CDH7: variants seen among roughly 807,000 people sequenced by gnomAD.
CDH7 encodes the protein cadherin 7, also known as cadherin-7.
CDH7 carries 25 observed loss-of-function variants against 71.8 expected under a neutral mutation model. The observed-to-expected ratio is 0.35, with a 90% CI of 0.25 to 0.49. The LOEUF (loss-of-function observed/expected upper bound fraction) is 0.49, where lower values mean the gene tolerates loss of function less well. CDH7 is among the 20% of genes least tolerant of loss of function. CDH7 has a pLI of 0.99. For synonymous variants in CDH7, 381 were observed against 363.8 expected, an observed-to-expected ratio of 1.05 and a Z score of -0.54; for missense variants, 862 against 974.6, an observed-to-expected ratio of 0.88 and a Z score of 1.54.
intron 2 of CDH7, among the ~76,000 whole-genome samples, chr18:65,795,847 A>G (rs1910892701): frequency 6.6e-6 from 1 of 151,970 alleles, no homozygotes; most frequent in African/African-American, 2.4e-5. Flanking sequence ...TGAATCATGG[A>G]GGCAGTTCCC....
chr18:65,844,530 C>T (rs1247402148), intron 7 of CDH7, among the ~76,000 whole-genome samples: 1 of 151,514 alleles, frequency 6.6e-6, no homozygotes, highest in Non-Finnish European at 1.5e-5. Flanking sequence ...TTAATATTTC[C>T]ACTTAATTTT....
At chr18:65,794,944 C>T (rs1164533928) in intron 2 of CDH7, among the ~76,000 whole-genome samples, 1 of 152,020 alleles carries the variant, frequency 6.6e-6, no homozygotes, top group Non-Finnish European at 1.5e-5. Context: ...GTGTCTGACA[C>T]GTAATTATGC....
chr18:65,809,730 T>C lies in CDH7; in HGVS notation c.237T>C (p.Asp79=), dbSNP rs957426531. 1 of 1,613,986 alleles carries C rather than the reference T, an allele frequency of 6.2e-7. No homozygotes were observed. The highest frequency in any genetic ancestry group is 8.5e-7 in the Non-Finnish European group (1 of 1,179,924). Residue 79 remains aspartate, a synonymous_variant, in exon 3 of 12, where the codon GAT becomes GAC. Transcript: ENST00000397968. ...TTCACTCTGATGTTGATAAAGGAGA[T>C]GGTTCCATCAAATACATCTTGTCAG... ...GKLHSDVDKG[D]GSIKYILSGE... is the part of the protein sequence containing the mutation.
At position 65,800,237 on chromosome 18, in the gene CDH7, G is replaced by A. The variant is rs1260754717; in HGVS notation, c.211-9467G>A. Among the ~76,000 whole-genome samples the A allele has an allele frequency of 2.0e-5, 3 of 152,100 alleles. No individual in the cohort carries two copies. The East Asian group carries it at 5.8e-4, about 30-fold the overall frequency. ...TGGGACTACAGGTGCGTGCCACCTT[G>A]CCTGGCTTATTTTTTGTATTTTTAA... On this transcript the variant is annotated intron_variant, in intron 2 of 11. Transcript: ENST00000397968.
intron 7 of CDH7, among the ~76,000 whole-genome samples, chr18:65,856,088 C>T (rs995981617): frequency 6.6e-6 from 1 of 152,050 alleles, no homozygotes; most frequent in Non-Finnish European, 1.5e-5. Flanking sequence ...CACCAACTCA[C>T]CATCCATGCC....
chr18:65,778,133 G>A (rs975894594), intron 2 of CDH7, among the ~76,000 whole-genome samples: 6 of 151,994 alleles, frequency 3.9e-5, no homozygotes, highest in Non-Finnish European at 7.4e-5. Flanking sequence ...TTAGCTGGGC[G>A]TGGTGACACG....
chr18:65,825,223 A>G (rs972789835), intron 6 of CDH7, among the ~76,000 whole-genome samples: 1 of 151,942 alleles, frequency 6.6e-6, no homozygotes, highest in Admixed American at 6.6e-5. Context: ...CCATAAATGA[A>G]AATAATATGA....
In CDH7 at chr18:65,809,372, T is replaced by C. The variant is rs537036171; in HGVS notation, c.211-332T>C. ...AAATCAACCCATTATACATGTTTAC[T>C]GAATGCCTGCTCTGTTCAAAGAAGA... On this transcript the variant is annotated intron_variant, in intron 2 of 11. Coordinates refer to ENST00000397968, the MANE Select transcript of CDH7 (RefSeq NM_004361.5). 7.9e-5 allele frequency among the ~76,000 whole-genome samples: 12 copies of C among 152,380 alleles called. No individual in the cohort carries two copies. In the South Asian group the frequency reaches 1.9e-3, roughly 24 times the overall value.
At chr18:65,877,936 A>G (rs1194461776) in intron 11 of CDH7, among the ~76,000 whole-genome samples, 7 of 152,124 alleles carry the variant, frequency 4.6e-5, no homozygotes, top group Non-Finnish European at 1.0e-4. Flanking sequence ...TTTTTTAATC[A>G]CCTTGTTTGA....
intron 6 of CDH7, among the ~76,000 whole-genome samples, chr18:65,831,489 G>T (rs1318270155): frequency 6.6e-6 from 1 of 152,098 alleles, no homozygotes; most frequent in Non-Finnish European, 1.5e-5. Context: ...AGTTTATTTG[G>T]AGTTGTTTTC....
chr18:65,755,093 C>T (rs1486396710), intron 1 of CDH7, among the ~76,000 whole-genome samples: 1 of 152,134 alleles, frequency 6.6e-6, no homozygotes, highest in Non-Finnish European at 1.5e-5. Context: ...TAAGTACAGC[C>T]AAATCTACTT....
At chr18:65,766,868 C>T (rs182835542) in intron 2 of CDH7, among the ~76,000 whole-genome samples, 1 of 131,652 alleles carries the variant, frequency 7.6e-6, no homozygotes, top group East Asian at 2.3e-4. Flanking sequence ...CACTTAACGT[C>T]CTGTAACTGT....
chr18:65,839,624 A>G (rs1465117040), intron 6 of CDH7, among the ~76,000 whole-genome samples: 1 of 152,212 alleles, frequency 6.6e-6, no homozygotes, highest in Non-Finnish European at 1.5e-5. Context: ...AACTCTTTGT[A>G]GTTAGCTCTT....
intron 1 of CDH7, among the ~76,000 whole-genome samples, chr18:65,757,550 T>G (rs1274314901): frequency 6.6e-6 from 1 of 152,136 alleles, no homozygotes; most frequent in Non-Finnish European, 1.5e-5. Flanking sequence ...AAATACAAGT[T>G]TTAGCCTTAA....
intron 6 of CDH7, among the ~76,000 whole-genome samples, chr18:65,833,892 C>T (rs1912441078): frequency 6.6e-6 from 1 of 152,102 alleles, no homozygotes; most frequent in Non-Finnish European, 1.5e-5. Flanking sequence ...AGTATTTCAG[C>T]TTCTGTTTGA....
chr18:65,865,508 C>T (rs1006781569), intron 11 of CDH7: 4 of 151,944 alleles, frequency 2.6e-5, no homozygotes, highest in African/African-American at 4.8e-5. Flanking sequence ...TCTTCAAAAC[C>T]GTAAGTAAAA....
intron 2 of CDH7, among the ~76,000 whole-genome samples, chr18:65,797,543 T>G (rs1251849019): frequency 6.6e-6 from 1 of 152,134 alleles, no homozygotes; most frequent in East Asian, 1.9e-4. Context: ...AAACCTCTCT[T>G]AGGCGTCCTT....
intron 6 of CDH7, among the ~76,000 whole-genome samples, chr18:65,840,308 C>T (rs988696717): frequency 6.6e-6 from 1 of 152,172 alleles, no homozygotes; most frequent in African/African-American, 2.4e-5. Context: ...AAAGTATCTG[C>T]TAGTCTGTAT....
chr18:65,785,401 T>C lies in CDH7; in HGVS notation c.210+22349T>C, dbSNP rs534432842. Reference sequence around the variant, plus strand: ...AAATACAATTTAGTAAAAATATGTCTGGTTAAAGTTGTAGCATGGAATTAA... The same window carrying C: ...AAATACAATTTAGTAAAAATATGTCCGGTTAAAGTTGTAGCATGGAATTAA... On this transcript the variant is annotated intron_variant, in intron 2 of 11. Transcript: ENST00000397968. 5.9e-5 allele frequency among the ~76,000 whole-genome samples: 9 copies of C among 152,228 alleles called. No individual in the cohort carries two copies. In the South Asian group the frequency reaches 1.7e-3, roughly 28 times the overall value.
Sources: allele counts gnomAD v4.1 joint callset (sites outside exome capture counted in the v4.1 genomes callset), GRCh38; gene constraint gnomAD v4.1.1; transcripts MANE v1.5; gene names NCBI Gene and HGNC (gene_info 2026-07-23, HGNC 2026-07-21).